Variants in SEL1L3 observed in about 807,000 individuals in gnomAD.
The protein encoded by SEL1L3 is SEL1L family member 3.
A neutral mutation model predicts 142.8 loss-of-function variants in SEL1L3; 76 were observed. That is an observed-to-expected ratio of 0.53 (90% CI 0.44 to 0.64). The LOEUF is 0.64. Among genes scored for constraint, SEL1L3 ranks in the 30% least tolerant of loss-of-function variants. The pLI, the probability that SEL1L3 is intolerant of heterozygous loss-of-function variation, is 0.00. For missense variants in SEL1L3, 1,262 were observed against 1,381.7 expected (o/e 0.91, Z 1.37); for synonymous variants, 504 against 519.6 (o/e 0.97, Z 0.41).
chr4:25,757,257 G>A (rs1345476944), intron 23 of SEL1L3, among the ~76,000 whole-genome samples: 1 of 151,732 alleles, frequency 6.6e-6, no homozygotes, highest in Non-Finnish European at 1.5e-5. Context: ...GACAGAACGA[G>A]ACTCCATCTC....
chr4:25,757,657 A>G, intron 22 of SEL1L3, 31 bp downstream of exon 22: 3 of 1,566,390 alleles, frequency 1.9e-6, no homozygotes, highest in Non-Finnish European at 8.7e-7. Context: ...CAGGGGCCAC[A>G]AGGGTGGGGC....
chr4:25,809,644 TC>T (rs1246233977), intron 9 of SEL1L3, among the ~76,000 whole-genome samples: 2 of 152,126 alleles, frequency 1.3e-5, no homozygotes, highest in Non-Finnish European at 2.9e-5. Context: ...TTTCCTTCCC[TC>T]CTTCCTCCAT....
At chr4:25,798,519 C>A (rs1416380034) in intron 11 of SEL1L3, among the ~76,000 whole-genome samples, 2 of 152,100 alleles carry the variant, frequency 1.3e-5, no homozygotes, top group Non-Finnish European at 2.9e-5. Flanking sequence ...TGGGAAGGCA[C>A]AAGACTGGTG....
In SEL1L3 at chr4:25,762,953, C is replaced by T. The variant is rs185717707; in HGVS notation, c.2955+2373G>A. Among the ~76,000 whole-genome samples the T allele has an allele frequency of 3.3e-3, 476 of 143,732 alleles. 5 individuals carry two copies. The highest frequency in any genetic ancestry group is 0.011 in the African/African-American group (440 of 38,654). 94.3% of individuals were successfully genotyped at this position (143,732 alleles called of 152,430 possible). A position where few individuals can be genotyped will look rare whatever the true frequency, so the allele number is the denominator to read the frequency against. ...ATCATGCCACTGCACTCCAGCCTGG[C>T]GACAGAGTGAGACTCTGTGTCAAAA... On this transcript the variant is annotated intron_variant, in intron 20 of 23. Transcript: ENST00000399878.
chr4:25,850,879 C>T (rs912336390), intron 1 of SEL1L3, among the ~76,000 whole-genome samples: 1 of 150,404 alleles, frequency 6.6e-6, no homozygotes, highest in Non-Finnish European at 1.5e-5. Context: ...GAGTTGGAGT[C>T]TCACTCTGTC....
At chr4:25,810,347 A>G (rs547872528) in intron 9 of SEL1L3, among the ~76,000 whole-genome samples, 1 of 152,198 alleles carries the variant, frequency 6.6e-6, no homozygotes, top group East Asian at 1.9e-4. Flanking sequence ...CACAACCAAG[A>G]GCCCGGACTG....
chr4:25,767,499 A>C, intron 19 of SEL1L3, 26 bp downstream of exon 19: 2 of 1,302,658 alleles, frequency 1.5e-6, no homozygotes, highest in Non-Finnish European at 2.2e-6. Flanking sequence ...TAATGCTTCA[A>C]TTTTGCACCG....
chr4:25,802,507 G>A (rs1713253157), intron 10 of SEL1L3, 45 bp from the exon 11 acceptor site: 1 of 1,520,422 alleles, frequency 6.6e-7, no homozygotes, highest in South Asian at 1.2e-5. Context: ...TTGTAGATAG[G>A]GTCATAAAAT....
chr4:25,813,689 T>C (rs758226567), intron 9 of SEL1L3, among the ~76,000 whole-genome samples: 1 of 152,222 alleles, frequency 6.6e-6, no homozygotes, highest in Non-Finnish European at 1.5e-5. Context: ...CTGGTTCAGA[T>C]GGCAAATTTT....
rs188810504 is a variant in SEL1L3 at position 25,804,836 on chromosome 4, A to G, written c.1565-84T>C. 110 of 994,616 alleles carry G rather than the reference A, an allele frequency of 1.1e-4. No individual in the cohort carries two copies. The African/African-American group carries it at 1.6e-3, about 15-fold the overall frequency. The allele number at this position is 994,616 out of a possible 1,614,324, so 61.6% of individuals were successfully genotyped here. A position where few individuals can be genotyped will look rare whatever the true frequency, so the allele number is the denominator to read the frequency against. On this transcript the variant is annotated intron_variant, in intron 9 of 23. Coordinates refer to ENST00000399878, the MANE Select transcript of SEL1L3 (RefSeq NM_015187.5). ...TAGAAAAAGAGGAAAAGCCAATTAA[A>G]TCACCTGAGTTATTGATATGGTCGG...
chr4:25,777,376 T>C (rs1577587494), intron 16 of SEL1L3, among the ~76,000 whole-genome samples: 2 of 152,202 alleles, frequency 1.3e-5, no homozygotes. Flanking sequence ...GGTAGGTAAG[T>C]CCACAAATAT....
In SEL1L3 at chr4:25,779,340, A is replaced by G; in HGVS notation, c.2458-137T>C. ...TAGCTTTAAAACCAGGGCAAGCAAC[A>G]ATTCCAGGAAGACAGCCAATCACAG... On this transcript the variant is annotated intron_variant, in intron 15 of 23. Coordinates refer to ENST00000399878, the MANE Select transcript of SEL1L3 (RefSeq NM_015187.5). 3.2e-6 allele frequency: 3 copies of G among 924,264 alleles called. No homozygotes were observed. The South Asian group carries it at 5.9e-5, about 18-fold the overall frequency. The allele number at this position is 924,264 out of a possible 1,614,324, so 57.3% of individuals were successfully genotyped here. A position where few individuals can be genotyped will look rare whatever the true frequency, so the allele number is the denominator to read the frequency against.
At chr4:25,847,035 C>A (rs1020738255) in intron 2 of SEL1L3, among the ~76,000 whole-genome samples, 3 of 151,826 alleles carry the variant, frequency 2.0e-5, no homozygotes, top group Non-Finnish European at 4.4e-5. Flanking sequence ...GCAGATCTAA[C>A]CCTCTCAAAG....
chr4:25,748,345 G>T lies in SEL1L3; in HGVS notation c.*80C>A, dbSNP rs1717372021. On this transcript the variant is annotated 3_prime_UTR_variant, in exon 24 of 24. Transcript: ENST00000399878. ...ACAAGACATTTAAGGTGTTTATCAGGATCATGCCCTGGCCCCAGCTTCCCA... is the reference window on the plus strand; with the variant it reads ...ACAAGACATTTAAGGTGTTTATCAGTATCATGCCCTGGCCCCAGCTTCCCA... 1.4e-6 allele frequency: 2 copies of T among 1,413,760 alleles called. No homozygotes were observed. The highest frequency in any genetic ancestry group is 1.4e-5 in the African/African-American group (1 of 69,974). 87.6% of individuals were successfully genotyped at this position (1,413,760 alleles called of 1,614,324 possible). A position where few individuals can be genotyped will look rare whatever the true frequency, so the allele number is the denominator to read the frequency against.
chr4:25,832,814 G>T (rs1303529458), intron 5 of SEL1L3, among the ~76,000 whole-genome samples, 181 bp downstream of exon 5: 2 of 152,196 alleles, frequency 1.3e-5, no homozygotes, highest in African/African-American at 2.4e-5. Context: ...AATGGGATGG[G>T]ATTCTTATGA....
At chr4:25,816,769 C>T (rs939841367) in intron 9 of SEL1L3, among the ~76,000 whole-genome samples, 2 of 152,176 alleles carry the variant, frequency 1.3e-5, no homozygotes, top group Non-Finnish European at 2.9e-5. Context: ...GCTTCTCCTG[C>T]CTCCCCATTG....
rs115584962 is a variant in SEL1L3, at chr4:25,824,695, G to A, written c.1158-2567C>T. ...TATAATCTCAGCACTTTGGAAGGCC[G>A]AGGTGGGGGGATCACTTGAGCCCAA... is the stretch of plus-strand genomic sequence containing the variant. On this transcript the variant is annotated intron_variant, in intron 6 of 23. Transcript: ENST00000399878. Among the ~76,000 whole-genome samples the A allele has an allele frequency of 1.9e-3, 296 of 152,308 alleles. 5 individuals carry two copies. The highest frequency in any genetic ancestry group is 6.2e-3 in the African/African-American group (257 of 41,586).
At chr4:25,730,120 G>A in the SEL1L3 span, among the ~76,000 whole-genome samples, 2 of 151,986 alleles carry the variant, frequency 1.3e-5, no homozygotes, top group African/African-American at 2.4e-5. Context: ...TTTTAGTAGA[G>A]ACGGGGTTTC....
the SEL1L3 span, among the ~76,000 whole-genome samples, chr4:25,723,152 TTTTATGGCCCTGG>T: frequency 6.6e-6 from 1 of 152,198 alleles, no homozygotes; most frequent in African/African-American, 2.4e-5. Context: ...GTTCTGCTCA[TTTTATGGCCCTGG>T]AGTCCTCTGC....
Sources: gnomAD v4.1 joint callset for allele counts (sites outside exome capture counted in the v4.1 genomes callset) on GRCh38, gnomAD v4.1.1 for gene constraint, MANE v1.5 for transcripts, NCBI Gene and HGNC (gene_info 2026-07-23, HGNC 2026-07-21) for gene names.